PLCL1: variants seen among roughly 807,000 people sequenced by gnomAD.
The protein encoded by PLCL1 is inactive phospholipase C-like protein 1.
Under a neutral mutation model 84.4 loss-of-function variants are expected in PLCL1, and 41 were observed. The ratio of observed to expected loss-of-function variants is 0.49; its 90% CI spans 0.38 to 0.63. PLCL1 has a LOEUF of 0.63. Ranked by LOEUF, PLCL1 falls within the 30% of genes least tolerant of loss-of-function variation. The probability of loss-of-function intolerance (pLI) is 0.00; values close to 1 mark genes in which losing one functional copy is unlikely to be tolerated. For missense variants in PLCL1, 1,206 were observed against 1,367.8 expected, an observed-to-expected ratio of 0.88 and a Z score of 1.87; for synonymous variants, 490 against 488.3, an observed-to-expected ratio of 1.00 and a Z score of -0.05.
chr2:198,086,299 A>G, intron 2 of PLCL1, 67 bp downstream of exon 2: 1 of 1,175,780 alleles, frequency 8.5e-7, no homozygotes, highest in Non-Finnish European at 1.2e-6. Flanking sequence ...TGTTTTATTA[A>G]TAATCTGATT....
At position 198,103,280 on chromosome 2, in the gene PLCL1, A is replaced by T. The variant is rs578164025; in HGVS notation, c.2996-547A>T. 1.8e-4 allele frequency among the ~76,000 whole-genome samples: 28 copies of T among 151,944 alleles called. No homozygotes were observed. The South Asian group carries it at 3.7e-3, about 20-fold the overall frequency. On this transcript the variant is annotated intron_variant, in intron 4 of 5. Transcript: ENST00000428675. The stretch of plus-strand genomic sequence containing the variant: ...GCTTCTTACTTATTTACTTATTAAA[A>T]TTTTTTTTAATTTTTAATTTTTGTG...
chr2:198,085,417 T>G lies in PLCL1; in HGVS notation c.1900T>G (p.Tyr634Asp), dbSNP rs755570806. ...ANEYPEDFVN[Y>D]NKKFLSRIYP... ...TGAGTACCCAGAGGATTTTGTTAAT[T>G]ATAATAAGAAGTTCTTATCAAGAAT... Residue 634 changes from tyrosine (Y) to aspartate (D), a missense_variant, in exon 2 of 6, where the codon TAT becomes GAT. Coordinates refer to ENST00000428675, the MANE Select transcript of PLCL1 (RefSeq NM_006226.4). This position sits in a 1 kb window ranked among gnomAD's most constrained non-coding sequence, Gnocchi z 5.3. 2.5e-6 allele frequency: 4 copies of G among 1,611,786 alleles called. No homozygotes were observed. The highest frequency in any genetic ancestry group is 3.4e-6 in the Non-Finnish European group (4 of 1,178,068).
chr2:198,095,648 G>A (rs1249925163), intron 3 of PLCL1, among the ~76,000 whole-genome samples: 1 of 152,188 alleles, frequency 6.6e-6, no homozygotes, highest in Non-Finnish European at 1.5e-5. Flanking sequence ...CTACTATTGG[G>A]GATGTGAATA....
intron 3 of PLCL1, among the ~76,000 whole-genome samples, chr2:198,097,820 A>G (rs978763486): frequency 6.6e-6 from 1 of 152,208 alleles, no homozygotes; most frequent in African/African-American, 2.4e-5. Flanking sequence ...CACCAAAGGC[A>G]GTGGACTTCC....
At position 197,804,949 on chromosome 2, in the gene PLCL1, G is replaced by A. The variant is rs964902669; in HGVS notation, c.-151G>A. The A allele has an allele frequency of 1.2e-5, 11 of 953,344 alleles. No individual in the cohort carries two copies. Among genetic ancestry groups the A allele is most frequent in the Admixed American group, 3.2e-5 (1 of 31,110 alleles). The allele number at this position is 953,344 out of a possible 1,614,324, so 59.1% of individuals were successfully genotyped here. A position where few individuals can be genotyped will look rare whatever the true frequency, so the allele number is the denominator to read the frequency against. ...GTCCCCTCTCCAGAAAGTTGCCGCC[G>A]CCGCCGCCGCCGCCGCCACTGCCGC... On this transcript the variant is annotated 5_prime_UTR_variant, in exon 1 of 6. Transcript: ENST00000428675.
chr2:197,998,394 G>A (rs756377426), intron 1 of PLCL1, among the ~76,000 whole-genome samples: 14 of 152,086 alleles, frequency 9.2e-5, no homozygotes, highest in Non-Finnish European at 1.8e-4. Context: ...ATGATCATGA[G>A]TGCTAAATGT....
In PLCL1 at chr2:197,991,583, AATTTAGAC is replaced by A. The variant is rs755078008; in HGVS notation, c.241-92173_241-92166del. Among the ~76,000 whole-genome samples the A allele has an allele frequency of 7.4e-4, 113 of 152,160 alleles. 1 individual carries two copies. The highest frequency in any genetic ancestry group is 3.2e-3 in the Admixed American group (49 of 15,290). ...CCTACTTATTATTGTTCTGGTTTGA[AATTTAGAC>A]ACAGCCTCATGGTTCTTCCAGTCAC... is the stretch of plus-strand genomic sequence containing the variant. On this transcript the variant is annotated intron_variant, in intron 1 of 5. Transcript: ENST00000428675.
chr2:197,854,422 C>T (rs187306147), intron 1 of PLCL1, among the ~76,000 whole-genome samples: 49 of 152,208 alleles, frequency 3.2e-4, no homozygotes, highest in African/African-American at 1.1e-3. Flanking sequence ...GACCCATTTT[C>T]GTCTTAAATT....
rs1053155982 is a variant in PLCL1 at position 197,914,021 on chromosome 2, G to C, written c.240+108682G>C. 4.1e-4 allele frequency among the ~76,000 whole-genome samples: 62 copies of C among 152,176 alleles called. 1 individual carries two copies. The highest frequency in any genetic ancestry group is 1.4e-3 in the African/African-American group (58 of 41,536). Reference sequence around the variant, plus strand: ...GAAAAACTCATTTCTAACATTCATTGTGTTAATTAGTAAAGCCTCTGGCCA... The same window carrying C: ...GAAAAACTCATTTCTAACATTCATTCTGTTAATTAGTAAAGCCTCTGGCCA... On this transcript the variant is annotated intron_variant, in intron 1 of 5. Coordinates refer to ENST00000428675, the MANE Select transcript of PLCL1 (RefSeq NM_006226.4).
chr2:198,125,922 C>T (rs777376631), intron 5 of PLCL1, among the ~76,000 whole-genome samples: 19 of 152,096 alleles, frequency 1.2e-4, no homozygotes, highest in Non-Finnish European at 1.8e-4. Context: ...TCTGAACAGA[C>T]GTGTAAATTT....
intron 1 of PLCL1, among the ~76,000 whole-genome samples, chr2:198,060,689 T>C (rs909343675): frequency 1.3e-5 from 2 of 152,360 alleles, no homozygotes; most frequent in South Asian, 4.1e-4. Context: ...TTGATTAGCA[T>C]AGTTCAAATT....
chr2:197,979,588 A>T (rs1467135320), intron 1 of PLCL1, among the ~76,000 whole-genome samples: 1 of 152,016 alleles, frequency 6.6e-6, no homozygotes, highest in Non-Finnish European at 1.5e-5. Context: ...ACATTTTCTG[A>T]TTTCCTATTG....
At position 197,902,259 on chromosome 2, in the gene PLCL1, A is replaced by G. The variant is rs182832464; in HGVS notation, c.240+96920A>G. On this transcript the variant is annotated intron_variant, in intron 1 of 5. Coordinates refer to ENST00000428675, the MANE Select transcript of PLCL1 (RefSeq NM_006226.4). ...CTGGGCTTGTTGCTCTTGTGAATCT[A>G]TAGACCCTGGAATGGATATAGTTCC... Among the ~76,000 whole-genome samples the G allele has an allele frequency of 6.6e-5, 10 of 152,298 alleles. No individual in the cohort carries two copies. In the East Asian group the frequency reaches 1.9e-3, roughly 29 times the overall value.
At chr2:197,955,779 TC>T (rs1390495784) in intron 1 of PLCL1, among the ~76,000 whole-genome samples, 3 of 151,674 alleles carry the variant, frequency 2.0e-5, no homozygotes, top group Non-Finnish European at 4.4e-5. Flanking sequence ...TTCTTTTTTT[TC>T]CTTTCCTTTT....
At chr2:197,987,974 A>C (rs1690252970) in intron 1 of PLCL1, among the ~76,000 whole-genome samples, 1 of 152,212 alleles carries the variant, frequency 6.6e-6, no homozygotes, top group South Asian at 2.1e-4. Context: ...TTTCAGTTTT[A>C]GAAGCAGAAG....
chr2:197,940,519 G>A lies in PLCL1; in HGVS notation c.240+135180G>A, dbSNP rs79740595. 9.4e-3 allele frequency among the ~76,000 whole-genome samples: 1,438 copies of A among 152,252 alleles called. 25 individuals are homozygous for A. Among genetic ancestry groups the A allele is most frequent in the African/African-American group, 0.033 (1,367 of 41,536 alleles). On this transcript the variant is annotated intron_variant, in intron 1 of 5. Coordinates refer to ENST00000428675, the MANE Select transcript of PLCL1 (RefSeq NM_006226.4). ...GCCAATTTCTGTGTTTTGAAGTAAA[G>A]CCACTTATCTGGCATTTTTCATTAA...
At chr2:198,133,499 A>G (rs184686643) in intron 5 of PLCL1, among the ~76,000 whole-genome samples, 2,313 of 151,366 alleles carry the variant, frequency 0.015, 51 homozygotes, top group African/African-American at 0.053. Context: ...CACAATGTGC[A>G]CATGTACCCT....
At chr2:197,866,909 C>A (rs1687560597) in intron 1 of PLCL1, among the ~76,000 whole-genome samples, 1 of 152,176 alleles carries the variant, frequency 6.6e-6, no homozygotes, top group Non-Finnish European at 1.5e-5. Flanking sequence ...CCATGGCGAT[C>A]ATCGTTTGGG....
At chr2:197,816,193 A>G (rs930115594) in intron 1 of PLCL1, among the ~76,000 whole-genome samples, 5 of 152,160 alleles carry the variant, frequency 3.3e-5, no homozygotes, top group African/African-American at 1.2e-4. Flanking sequence ...CACCACCCTG[A>G]TCAGTCACCA....
Sources: allele counts gnomAD v4.1 joint callset (sites outside exome capture counted in the v4.1 genomes callset), GRCh38; gene constraint gnomAD v4.1.1; non-coding constraint Gnocchi (gnomAD v3.1); transcripts MANE v1.5; gene names NCBI Gene and HGNC (gene_info 2026-07-23, HGNC 2026-07-21).